NT5DC1: variants seen among roughly 807,000 people sequenced by gnomAD.
The protein encoded by NT5DC1 is 5'-nucleotidase domain-containing protein 1.
A neutral mutation model predicts 59.4 loss-of-function variants in NT5DC1; 42 were observed. The observed-to-expected ratio is 0.71, with a 90% CI of 0.55 to 0.92. NT5DC1 has a LOEUF of 0.92. NT5DC1 is among the 40% of genes least tolerant of loss of function. The pLI is 0.00. For synonymous variants in NT5DC1, 172 were observed against 188.1 expected (o/e 0.91, Z 0.70); for missense variants, 501 against 537.1 (o/e 0.93, Z 0.66).
intron 6 of NT5DC1, among the ~76,000 whole-genome samples, chr6:116,129,269 A>C (rs755288126): frequency 1.3e-5 from 2 of 152,230 alleles, no homozygotes; most frequent in African/African-American, 4.8e-5. Context: ...AAACACATAC[A>C]TACATATCCA....
intron 6 of NT5DC1, among the ~76,000 whole-genome samples, chr6:116,204,705 T>C (rs1259276764): frequency 2.0e-5 from 3 of 151,960 alleles, no homozygotes; most frequent in Admixed American, 2.0e-4. Context: ...ATCACCAAAG[T>C]ACTGTTGTAT....
At chr6:116,226,872 ATATT>A (rs1365152131) in intron 8 of NT5DC1, among the ~76,000 whole-genome samples, 1 of 152,084 alleles carries the variant, frequency 6.6e-6, no homozygotes, top group Non-Finnish European at 1.5e-5. Flanking sequence ...TAAAAATTAT[ATATT>A]TATGTTGTAC....
intron 6 of NT5DC1, among the ~76,000 whole-genome samples, chr6:116,184,031 TG>T (rs1412146141): frequency 6.6e-6 from 1 of 152,060 alleles, no homozygotes; most frequent in Non-Finnish European, 1.5e-5. Context: ...ATGTTGACTG[TG>T]GGTTTGTCAT....
rs1238389097 is a variant in NT5DC1, at chr6:116,237,047, A to C, written c.884A>C (p.Glu295Ala). 2.5e-6 allele frequency: 4 copies of C among 1,613,142 alleles called. No homozygotes were observed. Among genetic ancestry groups the C allele is most frequent in the Non-Finnish European group, 3.4e-6 (4 of 1,179,282 alleles). ...YSQGNAVHLY[E>A]LLKKMTGKPE... ...CAAGGGAACGCTGTCCACCTCTATG[A>C]ACTTCTGAAGAAAATGACTGGCAAA... Residue 295 changes from glutamate to alanine, a missense_variant, in exon 9 of 12, where the codon GAA (glutamate) becomes GCA (alanine). By Grantham distance (107) the Glu-to-Ala change is moderately radical. Coordinates refer to ENST00000319550, the MANE Select transcript of NT5DC1 (RefSeq NM_152729.3).
chr6:116,241,966 A>C (rs1771740441), intron 11 of NT5DC1, among the ~76,000 whole-genome samples: 1 of 148,132 alleles, frequency 6.8e-6, no homozygotes, highest in Admixed American at 6.8e-5. Context: ...AAAACAAAGA[A>C]TCAGCAAGAC....
At chr6:116,178,092 CGCGCGCGCGCGTGCGT>C (rs1197196980) in intron 6 of NT5DC1, among the ~76,000 whole-genome samples, 2 of 68,800 alleles carry the variant, frequency 2.9e-5, no homozygotes, top group African/African-American at 6.4e-5. Context: ...TGTGTGTGCG[CGCGCGCGCGCGTGCGT>C]GCGTGTGTGT....
intron 8 of NT5DC1, among the ~76,000 whole-genome samples, chr6:116,228,164 A>G (rs936835809): frequency 6.6e-6 from 1 of 152,186 alleles, no homozygotes; most frequent in Non-Finnish European, 1.5e-5. Context: ...GTGCTTAGCA[A>G]TCTCAGCGTA....
At chr6:116,122,369 C>T (rs1779156804) in intron 6 of NT5DC1, among the ~76,000 whole-genome samples, 3 of 152,134 alleles carry the variant, frequency 2.0e-5, no homozygotes, top group Admixed American at 2.0e-4. Flanking sequence ...CCAAAGCTAC[C>T]CTGTCAGACA....
rs560652096 is a variant in NT5DC1 at position 116,121,541 on chromosome 6, C to T, written c.529+3596C>T. The T allele has an allele frequency of 4.3e-6, 7 of 1,614,118 alleles. No individual in the cohort carries two copies. In the African/African-American group the frequency reaches 9.3e-5, roughly 22 times the overall value. ...ACCTGGACGACCAGGAGCACCATATCCCATTTCCCCTTTCTGTCCATTCAT... is the reference window on the plus strand; with the variant it reads ...ACCTGGACGACCAGGAGCACCATATTCCATTTCCCCTTTCTGTCCATTCAT... On this transcript the variant is annotated intron_variant, in intron 6 of 11. Coordinates refer to ENST00000319550, the MANE Select transcript of NT5DC1 (RefSeq NM_152729.3).
intron 6 of NT5DC1, among the ~76,000 whole-genome samples, chr6:116,216,957 T>C (rs2114535257): frequency 6.6e-6 from 1 of 152,302 alleles, no homozygotes; most frequent in South Asian, 2.1e-4. Context: ...TATTCTGCAA[T>C]GGAAACAACA....
At chr6:116,230,804 T>C (rs1174977446) in intron 8 of NT5DC1, among the ~76,000 whole-genome samples, 2 of 152,192 alleles carry the variant, frequency 1.3e-5, no homozygotes, top group Non-Finnish European at 2.9e-5. Flanking sequence ...TCTGCTGAAC[T>C]TTGTCAGCGG....
intron 6 of NT5DC1, among the ~76,000 whole-genome samples, chr6:116,124,026 T>A (rs952250719): frequency 2.0e-5 from 3 of 152,140 alleles, no homozygotes; most frequent in African/African-American, 7.2e-5. Context: ...GGAAGGTTGC[T>A]TTGTCTTTTA....
rs1342659210 is a variant in NT5DC1 at position 116,121,212 on chromosome 6, C to T, written c.529+3267C>T. 3 of 1,613,774 alleles carry T rather than the reference C, an allele frequency of 1.9e-6. No homozygotes were observed. In the Admixed American group the frequency reaches 5.0e-5, roughly 27 times the overall value. ...CTTTCTCCCTTCAGGCCTGGCAAGC[C>T]TGGTTTCCCAAAGCCAGGAGGCCCT... On this transcript the variant is annotated intron_variant, in intron 6 of 11. Coordinates refer to ENST00000319550, the MANE Select transcript of NT5DC1 (RefSeq NM_152729.3).
chr6:116,240,637 AAAAT>A (rs1771694038), intron 11 of NT5DC1, among the ~76,000 whole-genome samples: 1 of 152,222 alleles, frequency 6.6e-6, no homozygotes, highest in African/African-American at 2.4e-5. Context: ...AAATGAAGAA[AAAAT>A]AAATTCAGAG....
rs1771834679 is a variant in NT5DC1 at position 116,245,722 on chromosome 6, C to T, written c.*1698C>T. 1 of 152,040 alleles carries T rather than the reference C, an allele frequency of 6.6e-6. No individual in the cohort carries two copies. Among genetic ancestry groups the T allele is most frequent in the African/African-American group, 2.4e-5 (1 of 41,398 alleles). The allele number at this position is 152,040 out of a possible 1,614,324, so 9.4% of individuals were successfully genotyped here. A position where few individuals can be genotyped will look rare whatever the true frequency, so the allele number is the denominator to read the frequency against. On this transcript the variant is annotated 3_prime_UTR_variant, in exon 12 of 12. Coordinates refer to ENST00000319550, the MANE Select transcript of NT5DC1 (RefSeq NM_152729.3). ...TTTACTCTGTAAATGGCAAATAATA[C>T]ATCTTTAAATGCTTATGAACTACTG...
In NT5DC1 at chr6:116,151,594, A is replaced by T. The variant is rs73772290; in HGVS notation, c.529+33649A>T. Among the ~76,000 whole-genome samples the T allele has an allele frequency of 4.9e-3, 740 of 152,310 alleles. 12 individuals carry two copies. The highest frequency in any genetic ancestry group is 0.043 in the South Asian group (207 of 4,826). On this transcript the variant is annotated intron_variant, in intron 6 of 11. Transcript: ENST00000319550. ...GTTGGTATGCTTTTAAAATTCACAG[A>T]GTTATCTCGAGAATGCAGTACATGC...
chr6:116,223,614 A>G (rs1452494531), intron 8 of NT5DC1, among the ~76,000 whole-genome samples: 3 of 152,204 alleles, frequency 2.0e-5, no homozygotes, highest in African/African-American at 7.2e-5. Context: ...ATGATAGTAG[A>G]GTGAGGTACT....
chr6:116,237,152 TCTCTC>T, intron 9 of NT5DC1, 68 bp downstream of exon 9: 1 of 837,932 alleles, frequency 1.2e-6, no homozygotes, highest in Non-Finnish European at 2.1e-6. Flanking sequence ...AACTGCCAAA[TCTCTC>T]CTCTTAATTC....
chr6:116,108,348 A>G lies in NT5DC1; in HGVS notation c.186-16A>G, dbSNP rs1405534831. 3.9e-6 allele frequency: 6 copies of G among 1,552,614 alleles called. No homozygotes were observed. In the South Asian group the frequency reaches 4.5e-5, roughly 12 times the overall value. On this transcript the variant is annotated splice_polypyrimidine_tract_variant and intron_variant, in intron 2 of 11. Coordinates refer to ENST00000319550, the MANE Select transcript of NT5DC1 (RefSeq NM_152729.3). ...AAATATAGGAATTGATTAATAATCA[A>G]ACTTTCCTATTTCAGTTGCAAAGGT...
Sources: allele counts gnomAD v4.1 joint callset (sites outside exome capture counted in the v4.1 genomes callset), GRCh38; gene constraint gnomAD v4.1.1; transcripts MANE v1.5; gene names NCBI Gene and HGNC (gene_info 2026-07-23, HGNC 2026-07-21).